The following CACNA1C variants were observed in gnomAD, a reference collection of about 807,000 sequenced individuals.
The protein encoded by CACNA1C is calcium voltage-gated channel subunit alpha1 C.
CACNA1C carries 30 observed loss-of-function variants against 229.0 expected under a neutral mutation model. That is an observed-to-expected ratio of 0.13 (90% CI 0.10 to 0.18). CACNA1C has a LOEUF of 0.18. Among genes scored for constraint, CACNA1C ranks in the 10% least tolerant of loss-of-function variants. CACNA1C has a pLI of 1.00. For synonymous variants in CACNA1C, 1,114 were observed against 1,132.5 expected (o/e 0.98, Z 0.33); for missense variants, 1,658 against 2,845.0 (o/e 0.58, Z 9.49).
At chr12:2,235,436 A>G (rs1453767498) in intron 3 of CACNA1C, among the ~76,000 whole-genome samples, 1 of 152,198 alleles carries the variant, frequency 6.6e-6, no homozygotes, top group Non-Finnish European at 1.5e-5. Flanking sequence ...GGGCTGGAGC[A>G]ACCCAAGGCT....
rs191478356 is a variant in CACNA1C at position 2,204,278 on chromosome 12, C to T, written c.477+83848C>T. Reference sequence around the variant, plus strand: ...TTGAGAAGTGTCTGTTCATGTCCTTCGCCCACTTTTTGATGGGGTTGTTTG... The same window carrying T: ...TTGAGAAGTGTCTGTTCATGTCCTTTGCCCACTTTTTGATGGGGTTGTTTG... On this transcript the variant is annotated intron_variant, in intron 3 of 46. Transcript: ENST00000399655. Among the ~76,000 whole-genome samples the T allele has an allele frequency of 3.4e-3, 520 of 152,054 alleles. 1 individual carries two copies. Among genetic ancestry groups the T allele is most frequent in the African/African-American group, 8.6e-3 (357 of 41,458 alleles).
At chr12:2,258,189 C>A (rs150022355) in intron 3 of CACNA1C, among the ~76,000 whole-genome samples, 1 of 152,336 alleles carries the variant, frequency 6.6e-6, no homozygotes, top group East Asian at 1.9e-4. Context: ...TTGCCAGAAG[C>A]TTTCACACAC....
rs2093401912 is a variant in CACNA1C at position 2,639,622 on chromosome 12, T to C, written c.3912+5242T>C. 6.6e-6 allele frequency among the ~76,000 whole-genome samples: 1 copy of C among 152,176 alleles called. No homozygotes were observed. The highest frequency in any genetic ancestry group is 1.5e-5 in the Non-Finnish European group (1 of 68,028). ...GAGTGAGAGGTTTAGGATGGTCTCT[T>C]GCAACTCTAGCCTGCAGTGATTCTG... On this transcript the variant is annotated intron_variant, in intron 30 of 46. Transcript: ENST00000399655. This position sits in a 1 kb window ranked among gnomAD's most constrained non-coding sequence, Gnocchi z 4.2.
intron 38 of CACNA1C, among the ~76,000 whole-genome samples, chr12:2,672,763 T>G (rs2096621824): frequency 6.6e-6 from 1 of 152,202 alleles, no homozygotes; most frequent in Admixed American, 6.5e-5. Context: ...AAGGCCACAT[T>G]CTGAGGTTCT....
intron 18 of CACNA1C, among the ~76,000 whole-genome samples, chr12:2,587,596 G>A (rs2063093309): frequency 6.6e-6 from 1 of 152,042 alleles, no homozygotes; most frequent in African/African-American, 2.4e-5. Context: ...AGAGAAGAAT[G>A]TTAATTTTAA....
chr12:2,424,738 T>C (rs1426234276), intron 3 of CACNA1C, among the ~76,000 whole-genome samples: 1 of 152,208 alleles, frequency 6.6e-6, no homozygotes, highest in African/African-American at 2.4e-5. Flanking sequence ...GCAAAGTCTG[T>C]TCCAGGTACT....
chr12:2,377,532 C>A (rs1442488192), intron 3 of CACNA1C, among the ~76,000 whole-genome samples: 1 of 152,114 alleles, frequency 6.6e-6, no homozygotes, highest in African/African-American at 2.4e-5. Flanking sequence ...TATTTGCTGT[C>A]AGCATGGTTC....
At chr12:2,436,087 G>A (rs190030338) in intron 3 of CACNA1C, among the ~76,000 whole-genome samples, 48 of 152,326 alleles carry the variant, frequency 3.2e-4, no homozygotes, top group Admixed American at 9.1e-4. Context: ...CTTCTCCACC[G>A]GAGCAGTGAG....
chr12:2,172,613 G>A (rs1000598950), intron 3 of CACNA1C, among the ~76,000 whole-genome samples: 2 of 152,202 alleles, frequency 1.3e-5, no homozygotes, highest in African/African-American at 2.4e-5. Flanking sequence ...GGCATCCAAC[G>A]TTAAGATAAG....
chr12:2,536,722 T>A lies in CACNA1C; in HGVS notation c.1391-13221T>A, dbSNP rs577331243. On this transcript the variant is annotated intron_variant, in intron 9 of 46. Transcript: ENST00000399655. ...TGCATGCCTGTGGTCCCAGCTACTC[T>A]CAAGGTTGTGGTGGGAGGATCACTT... Among the ~76,000 whole-genome samples, 71 of 152,148 alleles carry A rather than the reference T, an allele frequency of 4.7e-4. 1 individual carries two copies. In the South Asian group the frequency reaches 0.011, roughly 23 times the overall value.
intron 3 of CACNA1C, among the ~76,000 whole-genome samples, chr12:2,148,983 G>A (rs1480986730): frequency 6.6e-6 from 1 of 152,044 alleles, no homozygotes; most frequent in African/African-American, 2.4e-5. Context: ...CCAGTGGAGA[G>A]TCCACAGAGA....
chr12:2,153,047 T>C (rs76770423), intron 3 of CACNA1C, among the ~76,000 whole-genome samples: 3,149 of 152,304 alleles, frequency 0.021, 96 homozygotes, highest in African/African-American at 0.072. Context: ...TGGTGGTCAC[T>C]ATGGCAGAGA....
intron 3 of CACNA1C, among the ~76,000 whole-genome samples, chr12:2,233,145 A>T (rs1725664363): frequency 6.6e-6 from 1 of 152,214 alleles, no homozygotes; most frequent in Non-Finnish European, 1.5e-5. Context: ...TGAAGGAAGT[A>T]GTGTGTTGAT....
At chr12:2,367,721 G>A (rs561568398) in intron 3 of CACNA1C, among the ~76,000 whole-genome samples, 1 of 152,050 alleles carries the variant, frequency 6.6e-6, no homozygotes, top group South Asian at 2.1e-4. Flanking sequence ...AAATAAAAAA[G>A]AGCAAAAATT....
rs935552745 is a variant in CACNA1C, at chr12:2,645,578, G to C, written c.3913-2897G>C. On this transcript the variant is annotated intron_variant, in intron 30 of 46. Coordinates refer to ENST00000399655, the MANE Select transcript of CACNA1C (RefSeq NM_000719.7). ...CAGCAGGGGATTCATTTGCCAAGGC[G>C]AAAGGGTACCAAAGACTCTAAGGAT... 2.6e-5 allele frequency among the ~76,000 whole-genome samples: 4 copies of C among 152,158 alleles called. No homozygotes were observed. In the East Asian group the frequency reaches 7.7e-4, roughly 29 times the overall value.
intron 3 of CACNA1C, among the ~76,000 whole-genome samples, chr12:2,307,691 G>C (rs2095151931): frequency 6.6e-6 from 1 of 152,108 alleles, no homozygotes; most frequent in African/African-American, 2.4e-5. Context: ...GCTGAACCTG[G>C]AGCACTGAGA....
intron 9 of CACNA1C, 135 bp downstream of exon 9, chr12:2,513,119 A>C: frequency 1.7e-6 from 1 of 579,256 alleles, no homozygotes. Context: ...CAGTTATCTC[A>C]CTGATGGCAG....
At chr12:2,245,052 T>C (rs1157894510) in intron 3 of CACNA1C, among the ~76,000 whole-genome samples, 1 of 152,116 alleles carries the variant, frequency 6.6e-6, no homozygotes, top group Non-Finnish European at 1.5e-5. Context: ...TTGATGTCTT[T>C]CAAAAAGAAA....
intron 3 of CACNA1C, among the ~76,000 whole-genome samples, chr12:2,400,978 C>G (rs2154550983): frequency 6.8e-6 from 1 of 147,684 alleles, no homozygotes; most frequent in African/African-American, 2.6e-5. Context: ...TCCCAAGTCC[C>G]CTTCTCCCAA....
Sources: gnomAD v4.1 joint callset for allele counts (sites outside exome capture counted in the v4.1 genomes callset) on GRCh38, gnomAD v4.1.1 for gene constraint, Gnocchi (gnomAD v3.1) non-coding constraint, MANE v1.5 for transcripts, NCBI Gene and HGNC (gene_info 2026-07-23, HGNC 2026-07-21) for gene names.